Variants in TMEM132C observed in about 807,000 individuals in gnomAD.
The protein encoded by TMEM132C is transmembrane protein 132C, also known as protein phosphatase 1, regulatory subunit 152.
A neutral mutation model predicts 61.4 loss-of-function variants in TMEM132C; 29 were observed. The observed-to-expected ratio is 0.47, with a 90% confidence interval of 0.35 to 0.64. TMEM132C has a LOEUF of 0.64. Ranked by LOEUF, TMEM132C falls within the 30% of genes least tolerant of loss-of-function variation. TMEM132C has a pLI of 0.00. For missense variants in TMEM132C, 1,408 were observed against 1,476.9 expected (o/e 0.95, Z 0.76); for synonymous variants, 656 against 633.1 (o/e 1.04, Z -0.54).
At chr12:128,447,002 A>G (rs774260962) in intron 2 of TMEM132C, among the ~76,000 whole-genome samples, 36 of 152,134 alleles carry the variant, frequency 2.4e-4, no homozygotes, top group Admixed American at 2.0e-4. Flanking sequence ...AAGCAACAGC[A>G]ATTGGTACAC....
At chr12:128,592,647 G>A (rs1443839119) in intron 3 of TMEM132C, among the ~76,000 whole-genome samples, 1 of 152,238 alleles carries the variant, frequency 6.6e-6, no homozygotes, top group Non-Finnish European at 1.5e-5. Flanking sequence ...CTGGAAACTT[G>A]CTGAGGCTGA....
Position 128,543,976 on chromosome 12 carries a change from G to A in TMEM132C, c.994G>A (p.Val332Met), listed in dbSNP as rs1013994073. ...CCACAGAGCCAAGGTGAAGAAGGGGGTGAACATCCTGAGTGCTCAGACCCG... is the reference window on the plus strand; with the variant it reads ...CCACAGAGCCAAGGTGAAGAAGGGGATGAACATCCTGAGTGCTCAGACCCG... ...FILRAKVKKG[V>M]NILSAQTREP... is the part of the protein sequence containing the mutation. The change falls in exon 3 of 9, where the codon GTG becomes ATG. Residue 332 changes from valine (V) to methionine (M), a missense_variant. By Grantham distance (21) the Val-to-Met change is conservative. Transcript: ENST00000435159. The A allele has an allele frequency of 5.8e-6, 9 of 1,546,724 alleles. No homozygotes were observed. In the African/African-American group the frequency reaches 9.6e-5, roughly 17 times the overall value.
At chr12:128,332,454 C>A (rs1241570842) in intron 1 of TMEM132C, among the ~76,000 whole-genome samples, 3 of 151,464 alleles carry the variant, frequency 2.0e-5, no homozygotes, top group African/African-American at 7.4e-5. Context: ...TATTCTCTTT[C>A]TCTCTCTTTC....
At chr12:128,375,727 A>G (rs547195459) in intron 1 of TMEM132C, among the ~76,000 whole-genome samples, 1 of 152,262 alleles carries the variant, frequency 6.6e-6, no homozygotes, top group South Asian at 2.1e-4. Flanking sequence ...ACATAATTCA[A>G]CACTATACTC....
At chr12:128,581,656 C>T (rs10847650) in intron 3 of TMEM132C, among the ~76,000 whole-genome samples, 18,830 of 152,208 alleles carry the variant, frequency 0.12, 1,330 homozygotes, top group Admixed American at 0.21. Context: ...CAGAGCCAGG[C>T]AGCTGATGTC....
chr12:128,588,358 G>A (rs1388750263), intron 3 of TMEM132C, among the ~76,000 whole-genome samples: 1 of 152,160 alleles, frequency 6.6e-6, no homozygotes, highest in Non-Finnish European at 1.5e-5. Context: ...CTTGAGCCAG[G>A]GAGGTTGAGG....
chr12:128,434,805 A>G (rs753656056), intron 2 of TMEM132C, among the ~76,000 whole-genome samples: 5 of 148,194 alleles, frequency 3.4e-5, no homozygotes, highest in Non-Finnish European at 7.5e-5. Flanking sequence ...GTATTTTAGT[A>G]GAGACGGGGT....
chr12:128,389,749 G>T (rs1874705738), intron 1 of TMEM132C, among the ~76,000 whole-genome samples: 1 of 152,240 alleles, frequency 6.6e-6, no homozygotes, highest in South Asian at 2.1e-4. Flanking sequence ...GGCACACTGA[G>T]TAGGGGGCAT....
At chr12:128,413,375 G>A (rs1868639957) in intron 1 of TMEM132C, among the ~76,000 whole-genome samples, 1 of 149,820 alleles carries the variant, frequency 6.7e-6, no homozygotes, top group Admixed American at 6.7e-5. Flanking sequence ...TGCCAGAGGT[G>A]TATCTTCAGA....
intron 1 of TMEM132C, among the ~76,000 whole-genome samples, chr12:128,330,973 G>A (rs1872652507): frequency 6.6e-6 from 1 of 152,164 alleles, no homozygotes; most frequent in Non-Finnish European, 1.5e-5. Flanking sequence ...AATGACAGAT[G>A]CTAGAATTTC....
At chr12:128,304,570 C>T (rs1871699489) in intron 1 of TMEM132C, among the ~76,000 whole-genome samples, 1 of 151,780 alleles carries the variant, frequency 6.6e-6, no homozygotes, top group African/African-American at 2.4e-5. Flanking sequence ...GATTGCACCA[C>T]TGCACTCCAG....
intron 4 of TMEM132C, among the ~76,000 whole-genome samples, chr12:128,641,407 C>T (rs1469380907): frequency 5.9e-5 from 9 of 152,056 alleles, no homozygotes; most frequent in Non-Finnish European, 1.2e-4. Context: ...GGGTCTTTGC[C>T]GAAGTGATTA....
At chr12:128,495,842 A>C (rs1439184996) in intron 2 of TMEM132C, among the ~76,000 whole-genome samples, 2 of 152,038 alleles carry the variant, frequency 1.3e-5, no homozygotes, top group Non-Finnish European at 2.9e-5. Context: ...ATTTAAGGTT[A>C]ATATTGTTAT....
At chr12:128,530,548 C>A (rs1044071573) in intron 2 of TMEM132C, among the ~76,000 whole-genome samples, 4 of 152,012 alleles carry the variant, frequency 2.6e-5, no homozygotes, top group East Asian at 1.9e-4. Context: ...TGTTCAAGCG[C>A]TTCTCCTGCC....
chr12:128,330,730 C>A (rs1289290909), intron 1 of TMEM132C, among the ~76,000 whole-genome samples: 1 of 152,044 alleles, frequency 6.6e-6, no homozygotes, highest in African/African-American at 2.4e-5. Flanking sequence ...TCTCATGTCC[C>A]CACTCTGAAT....
At chr12:128,287,871 C>G (rs1871122698) in intron 1 of TMEM132C, among the ~76,000 whole-genome samples, 1 of 152,022 alleles carries the variant, frequency 6.6e-6, no homozygotes, top group African/African-American at 2.4e-5. Flanking sequence ...TTGAAGAGTA[C>G]AGGCCAGGTT....
chr12:128,696,590 G>T (rs1233302417), intron 7 of TMEM132C, among the ~76,000 whole-genome samples: 1 of 152,094 alleles, frequency 6.6e-6, no homozygotes, highest in African/African-American at 2.4e-5. Flanking sequence ...TTCACTCAAG[G>T]AAGTGTATAG....
intron 3 of TMEM132C, among the ~76,000 whole-genome samples, chr12:128,555,013 C>G (rs992375036): frequency 2.0e-5 from 3 of 152,168 alleles, no homozygotes; most frequent in Non-Finnish European, 4.4e-5. Flanking sequence ...GTTCTTCCCC[C>G]TCCCTGGAAC....
chr12:128,700,545 G>A (rs1453857854), intron 8 of TMEM132C, among the ~76,000 whole-genome samples: 1 of 152,168 alleles, frequency 6.6e-6, no homozygotes, highest in Middle Eastern at 3.2e-3. Context: ...TGTCAGCCAC[G>A]ATGAACTTGC....
Sources: allele counts gnomAD v4.1 joint callset (sites outside exome capture counted in the v4.1 genomes callset), GRCh38; gene constraint gnomAD v4.1.1; transcripts MANE v1.5; gene names NCBI Gene and HGNC (gene_info 2026-07-23, HGNC 2026-07-21).